SCFD1: variants seen among roughly 807,000 people sequenced by gnomAD.
SCFD1 encodes the protein sec1 family domain-containing protein 1.
In SCFD1, 37 loss-of-function variants were observed where a neutral mutation model predicts 103.2. That is an observed-to-expected ratio of 0.36 (90% CI 0.28 to 0.47). The LOEUF (loss-of-function observed/expected upper bound fraction) is 0.47, where lower values mean the gene tolerates loss of function less well. SCFD1 is among the 20% of genes least tolerant of loss of function. The pLI is 1.00. For synonymous variants in SCFD1, 264 were observed against 245.0 expected, an observed-to-expected ratio of 1.08 and a Z score of -0.73; for missense variants, 639 against 761.2, an observed-to-expected ratio of 0.84 and a Z score of 1.89.
intron 7 of SCFD1, among the ~76,000 whole-genome samples, chr14:30,648,091 C>G (rs1347327476): frequency 6.6e-6 from 1 of 152,132 alleles, no homozygotes; most frequent in Non-Finnish European, 1.5e-5. Flanking sequence ...TACATATACA[C>G]ACAGACTTAG....
chr14:30,729,830 G>A (rs534243857), intron 23 of SCFD1, among the ~76,000 whole-genome samples: 1 of 151,574 alleles, frequency 6.6e-6, no homozygotes, highest in South Asian at 2.1e-4. Context: ...ATAATATTTT[G>A]TAGTCTTCAG....
At chr14:30,665,878 A>C (rs1250412834) in intron 10 of SCFD1, among the ~76,000 whole-genome samples, 1 of 151,618 alleles carries the variant, frequency 6.6e-6, no homozygotes, top group Non-Finnish European at 1.5e-5. Flanking sequence ...TACAGGAGCA[A>C]AACAAGATTC....
At chr14:30,653,773 G>C in intron 10 of SCFD1, 185 bp downstream of exon 10, 1 of 434,782 alleles carries the variant, frequency 2.3e-6, no homozygotes, top group Non-Finnish European at 4.0e-6. Context: ...AAGCATTAAA[G>C]TTTAGTTTCA....
chr14:30,730,459 G>C (rs1174708534), intron 23 of SCFD1, among the ~76,000 whole-genome samples: 2 of 152,186 alleles, frequency 1.3e-5, no homozygotes, highest in Non-Finnish European at 1.5e-5. Context: ...GGTTGAACTA[G>C]TTTACAGTCC....
chr14:30,698,514 T>G (rs771742029), intron 15 of SCFD1, among the ~76,000 whole-genome samples: 6 of 152,338 alleles, frequency 3.9e-5, no homozygotes, highest in Admixed American at 3.3e-4. Context: ...CTGTGCTAGA[T>G]GCTGAAGATG....
intron 3 of SCFD1, among the ~76,000 whole-genome samples, chr14:30,631,332 A>G (rs1400899035): frequency 6.6e-6 from 1 of 152,206 alleles, no homozygotes; most frequent in Non-Finnish European, 1.5e-5. Context: ...CAGCCTGGGC[A>G]AAAGAGCAAG....
chr14:30,730,936 C>A (rs1362093269), intron 23 of SCFD1, among the ~76,000 whole-genome samples: 3 of 152,076 alleles, frequency 2.0e-5, no homozygotes, highest in Admixed American at 6.5e-5. Context: ...ATGTCTATGT[C>A]CTGAATGGTA....
chr14:30,726,977 A>G (rs994432181), intron 23 of SCFD1, among the ~76,000 whole-genome samples: 1 of 152,170 alleles, frequency 6.6e-6, no homozygotes, highest in Admixed American at 6.6e-5. Context: ...TTTTGGATCC[A>G]AAATCTTTCA....
intron 4 of SCFD1, among the ~76,000 whole-genome samples, chr14:30,636,631 C>T (rs1244275277): frequency 1.3e-5 from 2 of 152,034 alleles, no homozygotes; most frequent in South Asian, 2.1e-4. Flanking sequence ...ATATCTCTTG[C>T]TTGATAGCAA....
chr14:30,728,234 A>G (rs893532794), intron 23 of SCFD1, among the ~76,000 whole-genome samples: 9 of 151,974 alleles, frequency 5.9e-5, no homozygotes, highest in Admixed American at 5.9e-4. Context: ...CCATCATGCA[A>G]CTCTGTCTCT....
chr14:30,663,355 T>C (rs898823591), intron 10 of SCFD1, among the ~76,000 whole-genome samples: 6 of 152,202 alleles, frequency 3.9e-5, no homozygotes, highest in Non-Finnish European at 5.9e-5. Flanking sequence ...TTTATTTTGT[T>C]AGATAGTTTT....
At chr14:30,653,397 T>G in intron 9 of SCFD1, 92 bp from the exon 10 acceptor site, 2 of 786,034 alleles carry the variant, frequency 2.5e-6, no homozygotes, top group Non-Finnish European at 2.1e-6. Context: ...ATTATTCATA[T>G]CAAAATGGCA....
chr14:30,641,125 T>C (rs1257867410), intron 6 of SCFD1, among the ~76,000 whole-genome samples: 1 of 152,200 alleles, frequency 6.6e-6, no homozygotes, highest in Non-Finnish European at 1.5e-5. Context: ...ACACAGGCAG[T>C]CTCACTCCAG....
At chr14:30,628,943 GTCTT>G (rs1377609141) in intron 2 of SCFD1, among the ~76,000 whole-genome samples, 1 of 152,136 alleles carries the variant, frequency 6.6e-6, no homozygotes, top group African/African-American at 2.4e-5. Flanking sequence ...ACTCTCTTGA[GTCTT>G]TATAAGTCCT....
At chr14:30,653,910 T>C (rs1886639414) in intron 10 of SCFD1, 1 of 169,948 alleles carries the variant, frequency 5.9e-6, no homozygotes. Context: ...AGTAAATAAA[T>C]GTGTTCTCCC....
At chr14:30,649,439 A>G (rs1886191124) in intron 7 of SCFD1, 89 bp from the exon 8 acceptor site, 2 of 774,964 alleles carry the variant, frequency 2.6e-6, no homozygotes, top group Admixed American at 5.6e-5. Context: ...TGTATCTATC[A>G]CATCTGTTAT....
chr14:30,624,902 C>CAG (rs921921853), intron 1 of SCFD1, among the ~76,000 whole-genome samples: 1 of 152,038 alleles, frequency 6.6e-6, no homozygotes, highest in African/African-American at 2.4e-5. Flanking sequence ...AGTACTGTTT[C>CAG]AGAGATAATC....
At chr14:30,735,509 G>T (rs185529126) in intron 24 of SCFD1, 77 bp from the exon 25 acceptor site, 2 of 945,220 alleles carry the variant, frequency 2.1e-6, no homozygotes, top group East Asian at 2.5e-5. Flanking sequence ...TTTATTAAGG[G>T]GTTTACAAAT....
intron 8 of SCFD1, 132 bp from the exon 9 acceptor site, chr14:30,650,433 T>A (rs1295768330): frequency 3.1e-6 from 2 of 647,506 alleles, no homozygotes; most frequent in Admixed American, 2.9e-5. Flanking sequence ...AGCTAAAATA[T>A]TTAGATATTA....
Sources: gnomAD v4.1 joint callset for allele counts (sites outside exome capture counted in the v4.1 genomes callset) on GRCh38, gnomAD v4.1.1 for gene constraint, MANE v1.5 for transcripts, NCBI Gene and HGNC (gene_info 2026-07-23, HGNC 2026-07-21) for gene names.